PAM: variants seen among roughly 807,000 people sequenced by gnomAD.
PAM encodes the protein peptidylglycine alpha-amidating monooxygenase, also known as peptidyl-glycine alpha-amidating monooxygenase.
PAM carries 72 observed loss-of-function variants against 122.1 expected under a neutral mutation model. The observed-to-expected ratio is 0.59, with a 90% CI of 0.49 to 0.72. PAM has a LOEUF of 0.72. Ranked by LOEUF, PAM falls within the 30% of genes least tolerant of loss-of-function variation. The probability of loss-of-function intolerance (pLI) is 0.00; values close to 1 mark genes in which losing one functional copy is unlikely to be tolerated. For missense variants in PAM, 1,106 were observed against 1,183.7 expected, an observed-to-expected ratio of 0.93 and a Z score of 0.96; for synonymous variants, 389 against 404.4, an observed-to-expected ratio of 0.96 and a Z score of 0.46.
chr5:102,799,653 A>G (rs1764197111), intron 1 of PAM, among the ~76,000 whole-genome samples: 1 of 152,226 alleles, frequency 6.6e-6, no homozygotes, highest in African/African-American at 2.4e-5. Context: ...CCAGAGCCTT[A>G]GAAATCTTTA....
In PAM at chr5:102,946,878, C is replaced by A. The variant is rs763855719; in HGVS notation, c.568C>A (p.Arg190Ser). Reference protein sequence around the residue: ...DCSGVSLHLTRLPQPLIAGMY... With the variant: ...DCSGVSLHLTSLPQPLIAGMY... Reference sequence around the variant, plus strand: ...TTCTGGTGTGTCCTTACACCTCACACGTCTGCCGTAAGTACTTCCATTTTT... The same window carrying A: ...TTCTGGTGTGTCCTTACACCTCACAAGTCTGCCGTAAGTACTTCCATTTTT... Residue 190 changes from arginine to serine, a missense_variant, in exon 8 of 26, where the codon CGT becomes AGT. Physicochemically the swap from Arg to Ser is moderately radical, Grantham distance 110 (BLOSUM62 -1). This residue lies in a region of PAM where 670 missense variants were observed against 690.3 expected (regional missense o/e 0.97). Coordinates refer to ENST00000438793, the MANE Select transcript of PAM (RefSeq NM_001177306.2). 1.3e-6 allele frequency: 2 copies of A among 1,598,886 alleles called. No homozygotes were observed. Among genetic ancestry groups the A allele is most frequent in the East Asian group, 2.2e-5 (1 of 44,782 alleles).
chr5:102,972,291 AT>A (rs901829847), intron 14 of PAM, among the ~76,000 whole-genome samples: 11 of 151,704 alleles, frequency 7.3e-5, no homozygotes, highest in Admixed American at 7.2e-4. Flanking sequence ...TTTAATTTTA[AT>A]TTTTTTTGAG....
intron 6 of PAM, among the ~76,000 whole-genome samples, chr5:102,925,481 T>C (rs1389540840): frequency 6.6e-6 from 1 of 152,192 alleles, no homozygotes; most frequent in Non-Finnish European, 1.5e-5. Context: ...TGTACATAGC[T>C]TTCAATGTGT....
At chr5:102,769,215 C>T (rs532377007) in intron 1 of PAM, among the ~76,000 whole-genome samples, 41 of 151,676 alleles carry the variant, frequency 2.7e-4, no homozygotes, top group Non-Finnish European at 2.2e-4. Flanking sequence ...TTTTTTCCAG[C>T]AGAGTTGTTG....
chr5:102,867,921 G>A (rs1234555753), intron 3 of PAM, among the ~76,000 whole-genome samples: 3 of 152,170 alleles, frequency 2.0e-5, no homozygotes, highest in Admixed American at 2.0e-4. Flanking sequence ...TGACTTGCTC[G>A]TTGTAAGAGA....
intron 12 of PAM, among the ~76,000 whole-genome samples, chr5:102,958,149 A>T (rs1898672): frequency 0.27 from 40,995 of 152,030 alleles, 5,881 homozygotes; most frequent in East Asian, 0.43. Flanking sequence ...TACCTTCTCC[A>T]GTGAAAACAT....
At chr5:102,762,448 C>T (rs1241958294) in intron 1 of PAM, among the ~76,000 whole-genome samples, 4 of 152,096 alleles carry the variant, frequency 2.6e-5, no homozygotes, top group African/African-American at 9.7e-5. Context: ...GTGCCCTCTT[C>T]AGAAACAAAA....
chr5:102,936,217 A>G (rs1753203472), intron 7 of PAM, among the ~76,000 whole-genome samples: 1 of 152,040 alleles, frequency 6.6e-6, no homozygotes, highest in African/African-American at 2.4e-5. Context: ...TGGTGGGAAA[A>G]TTTACATTGA....
chr5:102,945,568 C>T (rs752622048), intron 7 of PAM, among the ~76,000 whole-genome samples: 9 of 151,808 alleles, frequency 5.9e-5, no homozygotes, highest in African/African-American at 1.7e-4. Context: ...TTTTGATTCA[C>T]GACAGTTCCC....
At chr5:102,942,485 CAG>C (rs1231273267) in intron 7 of PAM, among the ~76,000 whole-genome samples, 12 of 151,894 alleles carry the variant, frequency 7.9e-5, no homozygotes, top group Admixed American at 6.6e-4. Flanking sequence ...ATGTTCAAGA[CAG>C]AGAAAGTAGA....
chr5:102,932,541 ATATG>A (rs1751893558), intron 7 of PAM, among the ~76,000 whole-genome samples: 3 of 149,000 alleles, frequency 2.0e-5, no homozygotes, highest in Non-Finnish European at 3.0e-5. Context: ...ATACACACAT[ATATG>A]TATGTATGTG....
intron 1 of PAM, among the ~76,000 whole-genome samples, chr5:102,860,204 G>T (rs1331515383): frequency 6.6e-5 from 10 of 152,282 alleles, no homozygotes; most frequent in African/African-American, 2.4e-4. Context: ...CCCATATTAG[G>T]TAAGGAGGCA....
At chr5:102,941,065 TATAAATC>T in intron 7 of PAM, among the ~76,000 whole-genome samples, 1 of 152,356 alleles carries the variant, frequency 6.6e-6, no homozygotes, top group South Asian at 2.1e-4. Flanking sequence ...GATAAAATAG[TATAAATC>T]ATAACTTCAC....
Position 102,901,211 on chromosome 5 carries a change from T to C in PAM, c.211-145T>C, listed in dbSNP as rs1581503089. The C allele has an allele frequency of 1.3e-5, 7 of 557,322 alleles. No individual in the cohort carries two copies. The East Asian group carries it at 2.1e-4, about 16-fold the overall frequency. 34.5% of individuals were successfully genotyped at this position (557,322 alleles called of 1,614,324 possible). ...GTATCTAAGTTCTGGACTTAGCCTT[T>C]CCATTAACCTGCCACTCAGCCCTCA... On this transcript the variant is annotated intron_variant, in intron 3 of 25. Coordinates refer to ENST00000438793, the MANE Select transcript of PAM (RefSeq NM_001177306.2).
At chr5:102,754,965 A>G (rs900922150), upstream of PAM, 2 of 152,158 alleles carry the variant, frequency 1.3e-5, no homozygotes, top group Non-Finnish European at 1.5e-5. Context: ...GACACCCAGC[A>G]CACGCGACCC....
chr5:102,911,827 A>G (rs1201004540), intron 4 of PAM, among the ~76,000 whole-genome samples: 1 of 152,014 alleles, frequency 6.6e-6, no homozygotes, highest in Non-Finnish European at 1.5e-5. Context: ...TTGCATTAGT[A>G]TAAAAAAGAT....
intron 14 of PAM, among the ~76,000 whole-genome samples, chr5:102,964,772 T>C (rs1763553236): frequency 6.6e-6 from 1 of 151,804 alleles, no homozygotes; most frequent in African/African-American, 2.4e-5. Context: ...TTATAATGTA[T>C]ACACAATTTC....
intron 1 of PAM, among the ~76,000 whole-genome samples, chr5:102,788,128 A>G (rs1445893741): frequency 6.6e-6 from 1 of 152,126 alleles, no homozygotes; most frequent in African/African-American, 2.4e-5. Context: ...ATCATCATAT[A>G]TTTGATACCT....
chr5:102,885,208 T>A (rs1419414448), intron 3 of PAM, among the ~76,000 whole-genome samples: 2 of 151,734 alleles, frequency 1.3e-5, no homozygotes, highest in Non-Finnish European at 2.9e-5. Flanking sequence ...GAAAAAAATA[T>A]CACTAGAACA....
Sources: allele counts gnomAD v4.1 joint callset (sites outside exome capture counted in the v4.1 genomes callset), GRCh38; gene constraint gnomAD v4.1.1; regional missense constraint gnomAD v4.1.1; transcripts MANE v1.5; gene names NCBI Gene and HGNC (gene_info 2026-07-23, HGNC 2026-07-21).